The following MYO3B variants were observed in gnomAD, a reference collection of about 807,000 sequenced individuals.
MYO3B encodes myosin IIIB, also known as myosin-IIIb.
MYO3B carries 156 observed loss-of-function variants against 174.6 expected under a neutral mutation model. The ratio of observed to expected loss-of-function variants is 0.89; its 90% CI spans 0.78 to 1.02. The LOEUF is 1.02. Ranked by LOEUF, MYO3B falls within the 50% of genes least tolerant of loss-of-function variation. The pLI, the probability that MYO3B is intolerant of heterozygous loss-of-function variation, is 0.00. For synonymous variants in MYO3B, 563 were observed against 569.1 expected (o/e 0.99, Z 0.15); for missense variants, 1,632 against 1,639.4 (o/e 1.00, Z 0.08).
chr2:170,378,247 A>G (rs558564335), intron 9 of MYO3B, among the ~76,000 whole-genome samples: 9 of 152,302 alleles, frequency 5.9e-5, no homozygotes, highest in Non-Finnish European at 8.8e-5. Flanking sequence ...TCCAAACCCC[A>G]TAGCCAGAGG....
rs903409733 is a variant in MYO3B at position 170,476,117 on chromosome 2, G to T, written c.3014+9406G>T. Among the ~76,000 whole-genome samples the T allele has an allele frequency of 1.6e-4, 24 of 152,094 alleles. 1 individual carries two copies. The highest frequency in any genetic ancestry group is 5.8e-4 in the African/African-American group (24 of 41,434). On this transcript the variant is annotated intron_variant, in intron 25 of 34. Coordinates refer to ENST00000408978, the MANE Select transcript of MYO3B (RefSeq NM_138995.5). ...CGACAAGGGTGTGGCTCGTCTGTTT[G>T]GTCACCACCACTGCTGAAACCACCT... is the stretch of plus-strand genomic sequence containing the variant.
chr2:170,307,388 T>C (rs1004821889), intron 7 of MYO3B, among the ~76,000 whole-genome samples: 1 of 152,060 alleles, frequency 6.6e-6, no homozygotes, highest in African/African-American at 2.4e-5. Flanking sequence ...AGATAACGAA[T>C]TGTGTCTTTA....
chr2:170,494,340 T>C (rs1454058569), intron 25 of MYO3B, among the ~76,000 whole-genome samples: 1 of 152,174 alleles, frequency 6.6e-6, no homozygotes, highest in Non-Finnish European at 1.5e-5. Context: ...ATATACACTA[T>C]TGTGATAGCT....
intron 8 of MYO3B, among the ~76,000 whole-genome samples, chr2:170,362,998 G>A (rs1322746398): frequency 6.6e-6 from 1 of 152,140 alleles, no homozygotes; most frequent in Non-Finnish European, 1.5e-5. Context: ...ATCCTCTGGA[G>A]GATTTTCTCC....
chr2:170,401,787 A>AT, intron 18 of MYO3B, 96 bp downstream of exon 18: 3 of 817,848 alleles, frequency 3.7e-6, no homozygotes, highest in Admixed American at 3.0e-5. Context: ...CCTCTCTGGG[A>AT]TTTTCTTTCT....
intron 13 of MYO3B, 85 bp downstream of exon 13, chr2:170,386,357 T>C: frequency 8.3e-7 from 1 of 1,198,198 alleles, no homozygotes; most frequent in Non-Finnish European, 1.2e-6. Flanking sequence ...AGTGCTGGGT[T>C]TTTTTTATTA....
chr2:170,305,421 T>G (rs2093694769), intron 7 of MYO3B, among the ~76,000 whole-genome samples: 1 of 152,238 alleles, frequency 6.6e-6, no homozygotes, highest in African/African-American at 2.4e-5. Context: ...TTTCCACACT[T>G]ATTCCTCCAG....
At chr2:170,301,239 C>T (rs528501783) in intron 7 of MYO3B, among the ~76,000 whole-genome samples, 48 of 152,242 alleles carry the variant, frequency 3.2e-4, no homozygotes, top group African/African-American at 1.1e-3. Context: ...TTTTGGTGAT[C>T]GAAATCCTAG....
At chr2:170,492,457 T>C (rs1179039428) in intron 25 of MYO3B, among the ~76,000 whole-genome samples, 1 of 152,214 alleles carries the variant, frequency 6.6e-6, no homozygotes. Flanking sequence ...ATCAGTTAAG[T>C]TCAGTTCCGT....
intron 7 of MYO3B, among the ~76,000 whole-genome samples, chr2:170,309,372 G>A (rs1187885322): frequency 6.6e-6 from 1 of 151,994 alleles, no homozygotes; most frequent in Non-Finnish European, 1.5e-5. Context: ...CCTGCCACTA[G>A]ATCTTTATAC....
chr2:170,519,123 T>A (rs538531967), intron 29 of MYO3B, among the ~76,000 whole-genome samples: 1 of 152,284 alleles, frequency 6.6e-6, no homozygotes, highest in East Asian at 1.9e-4. Context: ...TTCCAGCTGT[T>A]GTATACTGCT....
At chr2:170,303,851 G>GGT (rs1183373037) in intron 7 of MYO3B, among the ~76,000 whole-genome samples, 2 of 146,888 alleles carry the variant, frequency 1.4e-5, no homozygotes, top group African/African-American at 5.5e-5. Context: ...TTGTAACTTT[G>GGT]ATTTTTTTAC....
intron 7 of MYO3B, among the ~76,000 whole-genome samples, chr2:170,273,407 C>A (rs1402077373): frequency 6.6e-6 from 1 of 152,086 alleles, no homozygotes; most frequent in African/African-American, 2.4e-5. Context: ...CTGGATGGCC[C>A]ACAGCTGCCC....
chr2:170,475,928 C>A (rs909240897), intron 25 of MYO3B, among the ~76,000 whole-genome samples: 1 of 152,242 alleles, frequency 6.6e-6, no homozygotes, highest in Non-Finnish European at 1.5e-5. Flanking sequence ...CATCTACTTA[C>A]CATAAATCCT....
chr2:170,353,436 A>C (rs540408058), intron 8 of MYO3B, among the ~76,000 whole-genome samples: 1 of 152,210 alleles, frequency 6.6e-6, no homozygotes, highest in African/African-American at 2.4e-5. Context: ...GGTGGAACCC[A>C]CAGGATTTTT....
At chr2:170,327,380 T>C (rs368910109) in intron 7 of MYO3B, among the ~76,000 whole-genome samples, 1 of 150,694 alleles carries the variant, frequency 6.6e-6, no homozygotes, top group Non-Finnish European at 1.5e-5. Context: ...GCAAGACTCC[T>C]TCTCAACAAC....
intron 8 of MYO3B, among the ~76,000 whole-genome samples, chr2:170,353,432 A>G (rs1314856818): frequency 6.6e-6 from 1 of 152,192 alleles, no homozygotes; most frequent in Non-Finnish European, 1.5e-5. Context: ...AACAGGTGGA[A>G]CCCACAGGAT....
intron 22 of MYO3B, among the ~76,000 whole-genome samples, chr2:170,414,095 A>G (rs1308373151): frequency 1.3e-5 from 2 of 152,174 alleles, no homozygotes; most frequent in Non-Finnish European, 2.9e-5. Flanking sequence ...CTTTTGCACC[A>G]TTGTCAAAAA....
At chr2:170,618,099 TG>T (rs1695582393) in intron 32 of MYO3B, among the ~76,000 whole-genome samples, 1 of 152,108 alleles carries the variant, frequency 6.6e-6, no homozygotes, top group Non-Finnish European at 1.5e-5. Context: ...CATACATTAG[TG>T]GGTCCCAGGC....
Sources: allele counts gnomAD v4.1 joint callset (sites outside exome capture counted in the v4.1 genomes callset), GRCh38; gene constraint gnomAD v4.1.1; transcripts MANE v1.5; gene names NCBI Gene and HGNC (gene_info 2026-07-23, HGNC 2026-07-21).